The following DTNB variants were observed in gnomAD, a reference collection of about 807,000 sequenced individuals.
The protein encoded by DTNB is dystrobrevin beta.
Under a neutral mutation model 90.7 loss-of-function variants are expected in DTNB, and 63 were observed. The ratio of observed to expected loss-of-function variants is 0.69; its 90% CI spans 0.57 to 0.86. DTNB has a LOEUF of 0.86. Among genes scored for constraint, DTNB ranks in the 40% least tolerant of loss-of-function variants. The pLI is 0.00. For synonymous variants in DTNB, 277 were observed against 286.7 expected, an observed-to-expected ratio of 0.97 and a Z score of 0.34; for missense variants, 744 against 807.1, an observed-to-expected ratio of 0.92 and a Z score of 0.95.
chr2:25,556,677 G>C (rs555661359), intron 8 of DTNB, among the ~76,000 whole-genome samples: 11 of 152,282 alleles, frequency 7.2e-5, no homozygotes, highest in African/African-American at 2.4e-4. Flanking sequence ...GGTATTCAGT[G>C]TGATATAGCG....
Position 25,424,709 on chromosome 2 carries a change from C to G in DTNB, c.1554+2826G>C, listed in dbSNP as rs1235170150. Reference sequence around the variant, plus strand: ...TTGAGACTGAGTCTTACTCTCTGACCCTGGCTGGAGTGCAGTGGTGTAATC... The same window carrying G: ...TTGAGACTGAGTCTTACTCTCTGACGCTGGCTGGAGTGCAGTGGTGTAATC... On this transcript the variant is annotated intron_variant, in intron 15 of 20. Coordinates refer to ENST00000406818, the MANE Select transcript of DTNB (RefSeq NM_021907.5). The surrounding 1 kb of genome is among the most constrained non-coding windows in gnomAD (Gnocchi z 4.1). Among the ~76,000 whole-genome samples the G allele has an allele frequency of 2.6e-5, 4 of 151,658 alleles. No homozygotes were observed. The highest frequency in any genetic ancestry group is 4.4e-5 in the Non-Finnish European group (3 of 67,934).
intron 11 of DTNB, among the ~76,000 whole-genome samples, chr2:25,454,847 A>G (rs1219792757): frequency 6.6e-6 from 1 of 152,176 alleles, no homozygotes; most frequent in East Asian, 1.9e-4. Context: ...GAGAGGGTCT[A>G]CATAATTTGG....
At chr2:25,562,455 T>C (rs183535821) in intron 8 of DTNB, among the ~76,000 whole-genome samples, 32 of 152,344 alleles carry the variant, frequency 2.1e-4, no homozygotes, top group Admixed American at 1.9e-3. Context: ...TAGGAGCAGA[T>C]TGTTGGATCA....
intron 8 of DTNB, among the ~76,000 whole-genome samples, chr2:25,556,170 C>CATTTTTT (rs530089968): frequency 1.9e-5 from 2 of 105,564 alleles, no homozygotes; most frequent in African/African-American, 7.8e-5. Flanking sequence ...GGCCATCTCT[C>CATTTTTT]TTTTTTTTTT....
At chr2:25,443,836 A>G (rs1339762033) in intron 12 of DTNB, among the ~76,000 whole-genome samples, 3 of 152,256 alleles carry the variant, frequency 2.0e-5, no homozygotes, top group Non-Finnish European at 4.4e-5. Flanking sequence ...TACTTCATAC[A>G]TGATTACAAC....
intron 13 of DTNB, among the ~76,000 whole-genome samples, 168 bp from the exon 14 acceptor site, chr2:25,433,167 C>A (rs967503206): frequency 2.0e-5 from 3 of 152,208 alleles, no homozygotes; most frequent in Admixed American, 2.0e-4. Context: ...TACTGCTTCA[C>A]CTGACATTTC....
intron 1 of DTNB, among the ~76,000 whole-genome samples, chr2:25,657,692 G>A (rs565812321): frequency 6.6e-6 from 1 of 152,252 alleles, no homozygotes; most frequent in African/African-American, 2.4e-5. Context: ...CTGCACTCCA[G>A]CCTGGGTGAC....
At chr2:25,638,030 T>TA (rs1421018419) in intron 3 of DTNB, among the ~76,000 whole-genome samples, 1 of 152,064 alleles carries the variant, frequency 6.6e-6, no homozygotes, top group Non-Finnish European at 1.5e-5. Flanking sequence ...TATGCAGCCA[T>TA]AAAAAAGGAT....
intron 2 of DTNB, among the ~76,000 whole-genome samples, chr2:25,651,107 A>T (rs980464857): frequency 2.6e-5 from 4 of 151,650 alleles, no homozygotes; most frequent in South Asian, 2.1e-4. Context: ...ACCAGTGATT[A>T]AAAAAAATTA....
In DTNB at chr2:25,409,179, G is replaced by A. The variant is rs759246918; in HGVS notation, c.1575+10336C>T. Among the ~76,000 whole-genome samples, 293 of 152,302 alleles carry A rather than the reference G, an allele frequency of 1.9e-3. 4 individuals are homozygous for A. The highest frequency in any genetic ancestry group is 2.0e-3 in the Non-Finnish European group (136 of 68,022). ...CCAGACAATGAAGTAAGGGCCACAG[G>A]ATTTCAAAGTCAGGAAAGGAGAAAT... On this transcript the variant is annotated intron_variant, in intron 16 of 20. Coordinates refer to ENST00000406818, the MANE Select transcript of DTNB (RefSeq NM_021907.5).
intron 6 of DTNB, among the ~76,000 whole-genome samples, chr2:25,583,752 C>T (rs1559122944): frequency 2.0e-5 from 3 of 152,082 alleles, no homozygotes; most frequent in Non-Finnish European, 2.9e-5. Flanking sequence ...ATCTCCTAAC[C>T]TCATGATCCA....
chr2:25,388,403 G>A (rs755548123), intron 16 of DTNB, 42 bp from the exon 17 acceptor site: 5 of 1,557,624 alleles, frequency 3.2e-6, no homozygotes, highest in Non-Finnish European at 4.3e-6. Flanking sequence ...TCAAGTACCT[G>A]ACCTCTTTGA....
At chr2:25,521,580 C>T (rs2076139250) in intron 9 of DTNB, among the ~76,000 whole-genome samples, 3 of 151,764 alleles carry the variant, frequency 2.0e-5, no homozygotes, top group African/African-American at 7.3e-5. Flanking sequence ...GACGGGGTTT[C>T]GCTATGTTGG....
At chr2:25,541,906 T>C (rs1234401872) in intron 8 of DTNB, among the ~76,000 whole-genome samples, 1 of 152,204 alleles carries the variant, frequency 6.6e-6, no homozygotes, top group Non-Finnish European at 1.5e-5. Flanking sequence ...TTTCTTAGGG[T>C]CGCCAATAAA....
At chr2:25,427,484 C>G in intron 15 of DTNB, 51 bp downstream of exon 15, 1 of 1,573,710 alleles carries the variant, frequency 6.4e-7, no homozygotes, top group Non-Finnish European at 8.7e-7. Flanking sequence ...GCAGCTGAGG[C>G]TGTGGTGGGA....
At chr2:25,447,560 A>G (rs1322289255) in intron 12 of DTNB, among the ~76,000 whole-genome samples, 2 of 144,524 alleles carry the variant, frequency 1.4e-5, no homozygotes, top group African/African-American at 5.2e-5. Context: ...GCTGGAGTAC[A>G]GTGGTGCGAT....
At chr2:25,515,238 A>G (rs1386650050) in intron 9 of DTNB, among the ~76,000 whole-genome samples, 1 of 152,240 alleles carries the variant, frequency 6.6e-6, no homozygotes, top group Non-Finnish European at 1.5e-5. Flanking sequence ...GAATTGCTCA[A>G]CAGATTTAAT....
intron 3 of DTNB, among the ~76,000 whole-genome samples, chr2:25,636,144 T>C (rs949684845): frequency 3.9e-5 from 6 of 152,174 alleles, no homozygotes; most frequent in African/African-American, 1.4e-4. Context: ...TGAAAATACA[T>C]ATGGAAAAAC....
At chr2:25,662,150 C>T (rs1288363507) in intron 1 of DTNB, among the ~76,000 whole-genome samples, 5 of 124,114 alleles carry the variant, frequency 4.0e-5, no homozygotes, top group Non-Finnish European at 7.2e-5. Context: ...AGCGAGACTC[C>T]GTCTCAAAAA....
Sources: allele counts gnomAD v4.1 joint callset (sites outside exome capture counted in the v4.1 genomes callset), GRCh38; gene constraint gnomAD v4.1.1; non-coding constraint Gnocchi (gnomAD v3.1); transcripts MANE v1.5; gene names NCBI Gene and HGNC (gene_info 2026-07-23, HGNC 2026-07-21).